The following CCDC182 variants were observed in gnomAD, a reference collection of about 807,000 sequenced individuals.
CCDC182 encodes the protein coiled-coil domain containing 182, also known as coiled-coil domain-containing protein 182.
CCDC182 carries 1 observed loss-of-function variant against 4.6 expected under a neutral mutation model. The ratio of observed to expected loss-of-function variants is 0.22; its 90% CI spans 0.08 to 1.02. CCDC182 has a LOEUF of 1.02. Among genes scored for constraint, CCDC182 ranks in the 50% least tolerant of loss-of-function variants. The pLI is 0.58. For missense variants in CCDC182, 209 were observed against 196.8 expected (o/e 1.06, Z -0.37); for synonymous variants, 82 against 83.9 (o/e 0.98, Z 0.12).
rs1297379300 is a variant in CCDC182 at position 57,745,026 on chromosome 17, T to C, written c.247A>G (p.Met83Val). 6.4e-7 allele frequency: 1 copy of C among 1,551,006 alleles called. No homozygotes were observed. Among genetic ancestry groups the C allele is most frequent in the Non-Finnish European group, 8.7e-7 (1 of 1,147,074 alleles). ...TCCTGTTGCACCAGGGCTCCATTCA[T>C]CTCGCAGAAGGCGTCTTCAAGGTAA... ...IHYLEDAFCE[M>V]NGALVQQEEQ... The change falls in exon 1 of 1, where the codon ATG (methionine) becomes GTG (valine). Residue 83 changes from methionine (M) to valine (V), a missense_variant. Coordinates refer to ENST00000299415, the MANE Select transcript of CCDC182 (RefSeq NM_001282544.2).
chr17:57,744,910 G>A lies in CCDC182; in HGVS notation c.363C>T (p.Arg121=), dbSNP rs2073270124. Residue 121 remains arginine, a synonymous_variant, in exon 1 of 1, where the codon CGC becomes CGT. Coordinates refer to ENST00000299415, the MANE Select transcript of CCDC182 (RefSeq NM_001282544.2). ...TGCAGTGCTCCCGGAGCTGTTTCTC[G>A]CGCGGCAACAGGAAGGTGAGAACCT... is the stretch of plus-strand genomic sequence containing the variant. The part of the protein sequence containing the change: ...RNKVLTFLLP[R]EKQLREHCKR... The A allele has an allele frequency of 1.9e-6, 3 of 1,550,558 alleles. No homozygotes were observed. Among genetic ancestry groups the A allele is most frequent in the South Asian group, 2.4e-5 (2 of 84,054 alleles).
Position 57,744,588 on chromosome 17 carries a change from G to A in CCDC182, c.*223C>T, listed in dbSNP as rs983804243. 2 of 527,452 alleles carry A rather than the reference G, an allele frequency of 3.8e-6. No individual in the cohort carries two copies. The highest frequency in any genetic ancestry group is 3.0e-5 in the South Asian group (1 of 33,094). The allele number at this position is 527,452 out of a possible 1,614,324, so 32.7% of individuals were successfully genotyped here. Reference sequence around the variant, plus strand: ...AACAGTTCAAGTGAAAGTTACAGGGGCCTGACTCAGTACTGGGGTGCCTCC... The same window carrying A: ...AACAGTTCAAGTGAAAGTTACAGGGACCTGACTCAGTACTGGGGTGCCTCC... On this transcript the variant is annotated 3_prime_UTR_variant, in exon 1 of 1. Coordinates refer to ENST00000299415, the MANE Select transcript of CCDC182 (RefSeq NM_001282544.2).
At position 57,744,894 on chromosome 17, in the gene CCDC182, C is replaced by T. The variant is rs773844249; in HGVS notation, c.379G>A (p.Glu127Lys). The T allele has an allele frequency of 1.9e-6, 3 of 1,550,432 alleles. No individual in the cohort carries two copies. Among genetic ancestry groups the T allele is most frequent in the East Asian group, 2.4e-5 (1 of 40,928 alleles). The change falls in exon 1 of 1, where the codon GAG becomes AAG. Residue 127 changes from glutamate to lysine, a missense_variant. Physicochemically the swap from Glu to Lys is moderately conservative, Grantham distance 56. Transcript: ENST00000299415. ...FLLPREKQLR[E>K]HCKRLEDLLL... ...AGGTCCTCCAGCCGCTTGCAGTGCT[C>T]CCGGAGCTGTTTCTCGCGCGGCAAC...
chr17:57,744,647 CA>C lies in CCDC182; in HGVS notation c.*163del, dbSNP rs935258749. 220 of 597,668 alleles carry C rather than the reference CA, an allele frequency of 3.7e-4. No individual in the cohort carries two copies. The highest frequency in any genetic ancestry group is 9.1e-4 in the Middle Eastern group (2 of 2,202). The allele number at this position is 597,668 out of a possible 1,614,324, so 37.0% of individuals were successfully genotyped here. ...GAATGCTGGATAAATGGAATTTCAC[CA>C]AAAAAAATATTGAAGTCTTTTTGCC... On this transcript the variant is annotated 3_prime_UTR_variant, in exon 1 of 1. Coordinates refer to ENST00000299415, the MANE Select transcript of CCDC182 (RefSeq NM_001282544.2).
chr17:57,745,263 G>C lies in CCDC182; in HGVS notation c.10C>G (p.Leu4Val), dbSNP rs1160465748. Residue 4 changes from leucine to valine, a missense_variant, in exon 1 of 1, where the codon CTC (leucine) becomes GTC (valine). Physicochemically the swap from Leu to Val is conservative, Grantham distance 32. Transcript: ENST00000299415. Reference protein sequence around the residue: MEPLYQAGSILMTV... With the variant: MEPVYQAGSILMTV... ...ATGAGAATGGACCCAGCCTGGTAGA[G>C]GGGTTCCATTGTCTCTTCTACGTTG... 6.5e-7 allele frequency: 1 copy of C among 1,541,858 alleles called. No homozygotes were observed. The highest frequency in any genetic ancestry group is 2.0e-5 in the Admixed American group (1 of 50,644).
chr17:57,745,225 G>A lies in CCDC182; in HGVS notation c.48C>T (p.Thr16=). The A allele has an allele frequency of 6.5e-7, 1 of 1,550,130 alleles. No homozygotes were observed. The highest frequency in any genetic ancestry group is 8.7e-7 in the Non-Finnish European group (1 of 1,146,602). Residue 16 remains threonine (T), a synonymous_variant, in exon 1 of 1, where the codon ACC becomes ACT. Coordinates refer to ENST00000299415, the MANE Select transcript of CCDC182 (RefSeq NM_001282544.2). The part of the protein sequence containing the change: ...QAGSILMTVN[T]LQGKKMIESG... Reference sequence around the variant, plus strand: ...TCTCTATCATTTTTTTCCCCTGTAGGGTATTCACCGTCATGAGAATGGACC... The same window carrying A: ...TCTCTATCATTTTTTTCCCCTGTAGAGTATTCACCGTCATGAGAATGGACC...
chr17:57,745,161 A>G lies in CCDC182; in HGVS notation c.112T>C (p.Trp38Arg), dbSNP rs1008300695. 21 of 1,550,554 alleles carry G rather than the reference A, an allele frequency of 1.4e-5. No homozygotes were observed. In the East Asian group the frequency reaches 2.0e-4, roughly 14 times the overall value. Reference sequence around the variant, plus strand: ...GCGGGTGGTGGGAGGCAGGAGGGCCATGACTGGGACAGGGAAAAGTCTCCA... The same window carrying G: ...GCGGGTGGTGGGAGGCAGGAGGGCCGTGACTGGGACAGGGAAAAGTCTCCA... The part of the protein sequence containing the change: ...QSGDFSLSQS[W>R]PSCLPPPADL... Residue 38 changes from tryptophan to arginine, a missense_variant, in exon 1 of 1, where the codon TGG becomes CGG. Trp to Arg is a moderately radical substitution (Grantham distance 101, BLOSUM62 -3). Coordinates refer to ENST00000299415, the MANE Select transcript of CCDC182 (RefSeq NM_001282544.2).
rs2073272884 is a variant in CCDC182 at position 57,745,198 on chromosome 17, ACT to A, written c.73_74del (p.Ser25TrpfsTer22). On this transcript the variant is annotated frameshift_variant, in exon 1 of 1. Coordinates refer to ENST00000299415, the MANE Select transcript of CCDC182 (RefSeq NM_001282544.2). LOFTEE classifies it high-confidence loss of function. ...GGGAAAAGTCTCCAGACTGGAGGCC[ACT>A]CTCTATCATTTTTTTCCCCTGTAGG... ...NTLQGKKMIE[S>X]GLQSGDFSLS... The A allele has an allele frequency of 1.3e-6, 2 of 1,550,204 alleles. No individual in the cohort carries two copies. The highest frequency in any genetic ancestry group is 1.4e-5 in the African/African-American group (1 of 72,942).
At position 57,744,885 on chromosome 17, in the gene CCDC182, T is replaced by G; in HGVS notation, c.388A>C (p.Lys130Gln). The change falls in exon 1 of 1, where the codon AAG becomes CAG. Residue 130 changes from lysine to glutamine, a missense_variant. Lys to Gln is a moderately conservative substitution (Grantham distance 53). Transcript: ENST00000299415. ...PREKQLREHCKRLEDLLLDRG... is the reference protein window; with the variant it reads ...PREKQLREHCQRLEDLLLDRG... ...TCCAGCAGCAGGTCCTCCAGCCGCTTGCAGTGCTCCCGGAGCTGTTTCTCG... is the reference window on the plus strand; with the variant it reads ...TCCAGCAGCAGGTCCTCCAGCCGCTGGCAGTGCTCCCGGAGCTGTTTCTCG... The G allele has an allele frequency of 6.4e-7, 1 of 1,550,546 alleles. No homozygotes were observed. Among genetic ancestry groups the G allele is most frequent in the Non-Finnish European group, 8.7e-7 (1 of 1,146,988 alleles).
In CCDC182 at chr17:57,745,252, A is replaced by G. The variant is rs1297414985; in HGVS notation, c.21T>C (p.Ala7=). The change falls in exon 1 of 1, where the codon GCT becomes GCC. Residue 7 remains alanine, a synonymous_variant. Transcript: ENST00000299415. ...TATTCACCGTCATGAGAATGGACCCAGCCTGGTAGAGGGGTTCCATTGTCT... is the reference window on the plus strand; with the variant it reads ...TATTCACCGTCATGAGAATGGACCCGGCCTGGTAGAGGGGTTCCATTGTCT... MEPLYQ[A]GSILMTVNTL... 1.3e-6 allele frequency: 2 copies of G among 1,545,726 alleles called. No homozygotes were observed. The highest frequency in any genetic ancestry group is 2.7e-5 in the African/African-American group (2 of 72,944).
Position 57,744,746 on chromosome 17 carries a change from TG to T in CCDC182, c.*64del. 1 of 1,071,678 alleles carries T rather than the reference TG, an allele frequency of 9.3e-7. No individual in the cohort carries two copies. The highest frequency in any genetic ancestry group is 1.3e-6 in the Non-Finnish European group (1 of 741,454). 66.4% of individuals were successfully genotyped at this position (1,071,678 alleles called of 1,614,324 possible). A position where few individuals can be genotyped will look rare whatever the true frequency, so the allele number is the denominator to read the frequency against. ...AAGGGAAAGCAAGGGGGTAGGGACT[TG>T]GGGTTTCTCCTTCCGTTAAAAAAAA... On this transcript the variant is annotated 3_prime_UTR_variant, in exon 1 of 1. Coordinates refer to ENST00000299415, the MANE Select transcript of CCDC182 (RefSeq NM_001282544.2).
Position 57,745,168 on chromosome 17 carries a change from G to C in CCDC182, c.105C>G (p.Ser35=). ...GTGGGAGGCAGGAGGGCCATGACTG[G>C]GACAGGGAAAAGTCTCCAGACTGGA... ...SGLQSGDFSL[S]QSWPSCLPPP... The change falls in exon 1 of 1, where the codon TCC becomes TCG. Residue 35 remains serine, a synonymous_variant. Transcript: ENST00000299415. The C allele has an allele frequency of 6.4e-7, 1 of 1,550,620 alleles. No individual in the cohort carries two copies. The highest frequency in any genetic ancestry group is 8.7e-7 in the Non-Finnish European group (1 of 1,146,978).
chr17:57,745,099 C>CCTCCAGTTCTCCAG lies in CCDC182; in HGVS notation c.173_174insCTGGAGAACTGGAG (p.Gln59TrpfsTer17), dbSNP rs988271836. 1.3e-6 allele frequency: 2 copies of CCTCCAGTTCTCCAG among 1,550,754 alleles called. No homozygotes were observed. The highest frequency in any genetic ancestry group is 2.7e-5 in the African/African-American group (2 of 73,054). ...TCTTAAAGTCCTCCAGTTCCCGTTG[C>CCTCCAGTTCTCCAG]ACCCCGGCCACCTTCTGCTGCAGGA... On this transcript the variant is annotated frameshift_variant, in exon 1 of 1. Transcript: ENST00000299415. LOFTEE classifies it high-confidence loss of function.
Position 57,745,165 on chromosome 17 carries a change from C to T in CCDC182, c.108G>A (p.Gln36=), listed in dbSNP as rs2073272639. The change falls in exon 1 of 1, where the codon CAG becomes CAA. Residue 36 remains glutamine, a synonymous_variant. Coordinates refer to ENST00000299415, the MANE Select transcript of CCDC182 (RefSeq NM_001282544.2). ...GLQSGDFSLS[Q]SWPSCLPPPA... is the part of the protein sequence containing the mutation. ...GTGGTGGGAGGCAGGAGGGCCATGA[C>T]TGGGACAGGGAAAAGTCTCCAGACT... The T allele has an allele frequency of 1.3e-6, 2 of 1,550,662 alleles. No individual in the cohort carries two copies. Among genetic ancestry groups the T allele is most frequent in the East Asian group, 4.9e-5 (2 of 40,910 alleles).
rs12449409 is a variant in CCDC182 at position 57,745,106 on chromosome 17, G to C, written c.167C>G (p.Ala56Gly). 1.3e-6 allele frequency: 2 copies of C among 1,550,396 alleles called. No individual in the cohort carries two copies. Among genetic ancestry groups the C allele is most frequent in the African/African-American group, 2.7e-5 (2 of 73,052 alleles). The change falls in exon 1 of 1, where the codon GCC (alanine) becomes GGC (glycine). Residue 56 changes from alanine (A) to glycine (G), a missense_variant. By Grantham distance (60) the Ala-to-Gly change is moderately conservative. Transcript: ENST00000299415. ...ADLEILQQKVAGVQRELEDFK... is the reference protein window; with the variant it reads ...ADLEILQQKVGGVQRELEDFK... ...GTCCTCCAGTTCCCGTTGCACCCCG[G>C]CCACCTTCTGCTGCAGGATCTCCAA...
At position 57,744,496 on chromosome 17, in the gene CCDC182, C is replaced by A; in HGVS notation, c.*315G>T. ...AAAAAAGGTGAATGTTCAACACAAT[C>A]AGTTTAAGAATATACTATACAAATA... On this transcript the variant is annotated 3_prime_UTR_variant, in exon 1 of 1. Coordinates refer to ENST00000299415, the MANE Select transcript of CCDC182 (RefSeq NM_001282544.2). 1 of 222,404 alleles carries A rather than the reference C, an allele frequency of 4.5e-6. No homozygotes were observed. Among genetic ancestry groups the A allele is most frequent in the Non-Finnish European group, 8.9e-6 (1 of 112,652 alleles). 13.8% of individuals were successfully genotyped at this position (222,404 alleles called of 1,614,324 possible). A position where few individuals can be genotyped will look rare whatever the true frequency, so the allele number is the denominator to read the frequency against.
chr17:57,744,806 G>A lies in CCDC182; in HGVS notation c.*5C>T, dbSNP rs772261833. ...TTGGTGCTTGGCTAGTGCCACCCACGAGGTTCAGTCAGCCTGGCTCTTCTT... is the reference window on the plus strand; with the variant it reads ...TTGGTGCTTGGCTAGTGCCACCCACAAGGTTCAGTCAGCCTGGCTCTTCTT... On this transcript the variant is annotated 3_prime_UTR_variant, in exon 1 of 1. Coordinates refer to ENST00000299415, the MANE Select transcript of CCDC182 (RefSeq NM_001282544.2). The A allele has an allele frequency of 2.6e-6, 4 of 1,520,294 alleles. No homozygotes were observed. The South Asian group carries it at 3.6e-5, about 14-fold the overall frequency. 94.2% of individuals were successfully genotyped at this position (1,520,294 alleles called of 1,614,324 possible).
Position 57,745,240 on chromosome 17 carries a change from GAGAAT to G in CCDC182, c.28_32del (p.Ile10HisfsTer36). On this transcript the variant is annotated frameshift_variant, in exon 1 of 1. Transcript: ENST00000299415. LOFTEE classifies it high-confidence loss of function. ...TCCCCTGTAGGGTATTCACCGTCAT[GAGAAT>G]GGACCCAGCCTGGTAGAGGGGTTCC... The G allele has an allele frequency of 1.9e-6, 3 of 1,549,494 alleles. No homozygotes were observed. The highest frequency in any genetic ancestry group is 2.6e-6 in the Non-Finnish European group (3 of 1,145,972).
In CCDC182 at chr17:57,745,128, C is replaced by G. The variant is rs956503655; in HGVS notation, c.145G>C (p.Glu49Gln). 1.3e-6 allele frequency: 2 copies of G among 1,550,580 alleles called. No individual in the cohort carries two copies. Among genetic ancestry groups the G allele is most frequent in the Non-Finnish European group, 1.7e-6 (2 of 1,146,988 alleles). The change falls in exon 1 of 1, where the codon GAG (glutamate) becomes CAG (glutamine). Residue 49 changes from glutamate (E) to glutamine (Q), a missense_variant. Coordinates refer to ENST00000299415, the MANE Select transcript of CCDC182 (RefSeq NM_001282544.2). The part of the protein sequence containing the change: ...PSCLPPPADL[E>Q]ILQQKVAGVQ... ...CCGGCCACCTTCTGCTGCAGGATCT[C>G]CAAGTCAGCGGGTGGTGGGAGGCAG...
Sources: gnomAD v4.1 joint callset for allele counts on GRCh38, gnomAD v4.1.1 for gene constraint, MANE v1.5 for transcripts, NCBI Gene and HGNC (gene_info 2026-07-23, HGNC 2026-07-21) for gene names.